Variants in GALNTL6 observed in about 807,000 individuals in gnomAD.
GALNTL6 encodes polypeptide N-acetylgalactosaminyltransferase like 6.
A neutral mutation model predicts 73.7 loss-of-function variants in GALNTL6; 46 were observed. The observed-to-expected ratio is 0.62, with a 90% CI of 0.49 to 0.80. The LOEUF (loss-of-function observed/expected upper bound fraction) is 0.80, where lower values mean the gene tolerates loss of function less well. GALNTL6 is among the 30% of genes least tolerant of loss of function. GALNTL6 has a pLI of 0.00. For missense variants in GALNTL6, 604 were observed against 755.0 expected (o/e 0.80, Z 2.34); for synonymous variants, 259 against 263.7 (o/e 0.98, Z 0.17).
chr4:172,535,680 G>A (rs537770626), intron 5 of GALNTL6, among the ~76,000 whole-genome samples: 7 of 152,238 alleles, frequency 4.6e-5, no homozygotes, highest in Non-Finnish European at 7.4e-5. Context: ...ATTTTTAAAT[G>A]TGTCACTGTA....
At chr4:171,898,152 A>T (rs1034710211) in intron 2 of GALNTL6, among the ~76,000 whole-genome samples, 2 of 152,130 alleles carry the variant, frequency 1.3e-5, no homozygotes, top group African/African-American at 2.4e-5. Context: ...TCATCATAGA[A>T]ATGCATCTTA....
intron 2 of GALNTL6, among the ~76,000 whole-genome samples, chr4:172,177,811 ATGTG>A (rs750078747): frequency 1.4e-4 from 19 of 135,382 alleles, no homozygotes; most frequent in African/African-American, 6.2e-4. Context: ...ACACACATAT[ATGTG>A]TGTGTATATA....
chr4:172,036,409 A>T lies in GALNTL6; in HGVS notation c.139-193247A>T, dbSNP rs180774040. On this transcript the variant is annotated intron_variant, in intron 2 of 12. Coordinates refer to ENST00000506823, the MANE Select transcript of GALNTL6 (RefSeq NM_001034845.3). ...TAATAATACATTGAATAAATTATAT[A>T]AATCACACAAAGTCATAAGAATTTT... Among the ~76,000 whole-genome samples, 8 of 152,276 alleles carry T rather than the reference A, an allele frequency of 5.3e-5. No homozygotes were observed. The East Asian group carries it at 1.5e-3, about 29-fold the overall frequency.
chr4:172,904,799 T>C (rs1746801464), intron 8 of GALNTL6, among the ~76,000 whole-genome samples: 1 of 152,202 alleles, frequency 6.6e-6, no homozygotes, highest in South Asian at 2.1e-4. Context: ...TGAATCTTTG[T>C]TTCTACTTTG....
intron 5 of GALNTL6, among the ~76,000 whole-genome samples, chr4:172,745,443 ATGT>A (rs1560922683): frequency 1.4e-5 from 2 of 140,472 alleles, no homozygotes; most frequent in Admixed American, 6.9e-5. Flanking sequence ...ATATATATAT[ATGT>A]ACACATAACT....
chr4:172,348,244 T>C (rs527433816), intron 4 of GALNTL6, among the ~76,000 whole-genome samples: 1 of 152,268 alleles, frequency 6.6e-6, no homozygotes, highest in South Asian at 2.1e-4. Flanking sequence ...ACAGGAAAAA[T>C]GTACATCAAC....
chr4:171,981,976 G>T (rs542244822), intron 2 of GALNTL6, among the ~76,000 whole-genome samples: 36 of 152,006 alleles, frequency 2.4e-4, no homozygotes, highest in African/African-American at 8.4e-4. Flanking sequence ...AGTCAAATTG[G>T]ATTTTAAATA....
chr4:172,559,285 T>C (rs970155332), intron 5 of GALNTL6, among the ~76,000 whole-genome samples: 2 of 151,794 alleles, frequency 1.3e-5, no homozygotes, highest in Non-Finnish European at 2.9e-5. Flanking sequence ...AGGATGGTCT[T>C]GATCTCCTGA....
At chr4:171,986,037 C>CAA (rs10686994) in intron 2 of GALNTL6, among the ~76,000 whole-genome samples, 67,624 of 82,220 alleles carry the variant, frequency 0.82, 28,984 homozygotes, top group South Asian at 0.93. Flanking sequence ...GACTCTGTCT[C>CAA]AAAAAAAAAA....
At chr4:171,918,297 TTG>T (rs1272769278) in intron 2 of GALNTL6, among the ~76,000 whole-genome samples, 2 of 152,124 alleles carry the variant, frequency 1.3e-5, no homozygotes, top group African/African-American at 4.8e-5. Flanking sequence ...ACTCTGACTT[TTG>T]TCTCATTAAA....
intron 2 of GALNTL6, among the ~76,000 whole-genome samples, chr4:172,219,176 A>G (rs1034595396): frequency 8.2e-6 from 1 of 121,504 alleles, no homozygotes; most frequent in Non-Finnish European, 1.8e-5. Flanking sequence ...ATCAGAAAAT[A>G]TAATATGTCA....
intron 5 of GALNTL6, among the ~76,000 whole-genome samples, chr4:172,624,393 A>G (rs1739076660): frequency 6.6e-6 from 1 of 151,098 alleles, no homozygotes; most frequent in South Asian, 2.1e-4. Context: ...GGATAGATCC[A>G]TCTTTCTCTG....
intron 5 of GALNTL6, among the ~76,000 whole-genome samples, chr4:172,642,149 T>C (rs946187115): frequency 1.3e-5 from 2 of 152,024 alleles, no homozygotes; most frequent in African/African-American, 4.8e-5. Context: ...AGTACAACCA[T>C]TGTAGAAAAC....
chr4:172,505,498 A>G (rs1734377246), intron 5 of GALNTL6, among the ~76,000 whole-genome samples: 1 of 55,134 alleles, frequency 1.8e-5, no homozygotes, highest in African/African-American at 4.5e-5. Flanking sequence ...GTGCTGGCCT[A>G]TCAAAACAAT....
chr4:172,480,519 A>G (rs1177314919), intron 5 of GALNTL6, among the ~76,000 whole-genome samples: 1 of 152,240 alleles, frequency 6.6e-6, no homozygotes, highest in Non-Finnish European at 1.5e-5. Context: ...AAAAGACAAA[A>G]TACTAGGGAT....
rs568889718 is a variant in GALNTL6 at position 171,968,349 on chromosome 4, C to A, written c.138+153631C>A. Among the ~76,000 whole-genome samples the A allele has an allele frequency of 2.0e-4, 31 of 152,232 alleles. 1 individual carries two copies. In the South Asian group the frequency reaches 6.0e-3, roughly 30 times the overall value. On this transcript the variant is annotated intron_variant, in intron 2 of 12. Transcript: ENST00000506823. ...CATTTTGGGGGTTCCAAGGGAAAAA[C>A]CATCCCAATGTCTCTGTCCTAGTTT...
intron 5 of GALNTL6, among the ~76,000 whole-genome samples, chr4:172,351,212 T>TATC (rs1159320219): frequency 3.9e-5 from 6 of 152,142 alleles, no homozygotes; most frequent in East Asian, 1.9e-4. Context: ...TCTATCTATC[T>TATC]ATCTATCTAT....
At chr4:172,647,844 A>G (rs1302704695) in intron 5 of GALNTL6, among the ~76,000 whole-genome samples, 1 of 152,142 alleles carries the variant, frequency 6.6e-6, no homozygotes, top group Non-Finnish European at 1.5e-5. Context: ...ATGGTAATGC[A>G]TTGATTAAGG....
chr4:171,902,555 T>C (rs1330197738), intron 2 of GALNTL6, among the ~76,000 whole-genome samples: 1 of 152,120 alleles, frequency 6.6e-6, no homozygotes, highest in Admixed American at 6.5e-5. Context: ...AGATGATGTA[T>C]GGAAAGAGAT....
Sources: allele counts gnomAD v4.1 joint callset (sites outside exome capture counted in the v4.1 genomes callset), GRCh38; gene constraint gnomAD v4.1.1; transcripts MANE v1.5; gene names NCBI Gene and HGNC (gene_info 2026-07-23, HGNC 2026-07-21).